CS: variants seen among roughly 807,000 people sequenced by gnomAD.
CS encodes the protein citrate synthase, mitochondrial.
A neutral mutation model predicts 61.4 loss-of-function variants in CS; 13 were observed. The ratio of observed to expected loss-of-function variants is 0.21; its 90% confidence interval spans 0.14 to 0.34. The LOEUF is 0.34. Ranked by LOEUF, CS falls within the 10% of genes least tolerant of loss-of-function variation. The pLI, the probability that CS is intolerant of heterozygous loss-of-function variation, is 1.00. For missense variants in CS, 278 were observed against 573.4 expected (o/e 0.48, Z 5.26); for synonymous variants, 159 against 215.2 (o/e 0.74, Z 2.29).
intron 3 of CS, among the ~76,000 whole-genome samples, chr12:56,284,336 AAG>A (rs1303950419): frequency 8.8e-5 from 13 of 147,168 alleles, no homozygotes; most frequent in South Asian, 2.2e-4. Flanking sequence ...AAAAAAAAAA[AAG>A]AAAAAAAAAA....
chr12:56,296,813 G>T (rs1332769226), intron 1 of CS, among the ~76,000 whole-genome samples: 1 of 152,094 alleles, frequency 6.6e-6, no homozygotes, highest in Non-Finnish European at 1.5e-5. Context: ...ACCCCATAAG[G>T]CTTCCCCTGC....
intron 6 of CS, among the ~76,000 whole-genome samples, chr12:56,280,404 G>A (rs1199023121): frequency 1.2e-4 from 10 of 86,042 alleles, no homozygotes; most frequent in Non-Finnish European, 2.3e-4. Flanking sequence ...GACAGTGCAA[G>A]ACACCGTCTC....
intron 6 of CS, among the ~76,000 whole-genome samples, chr12:56,280,211 C>T (rs1018770302): frequency 5.3e-5 from 8 of 151,788 alleles, no homozygotes; most frequent in Admixed American, 2.0e-4. Flanking sequence ...GTCAGAGGTT[C>T]GAGACCAGCC....
At chr12:56,295,636 T>G (rs1226048392) in intron 1 of CS, among the ~76,000 whole-genome samples, 2 of 151,956 alleles carry the variant, frequency 1.3e-5, no homozygotes, top group Non-Finnish European at 1.5e-5. Flanking sequence ...TTAGAAACTA[T>G]TCCCTTACTT....
chr12:56,293,726 C>T (rs940739150), intron 1 of CS, among the ~76,000 whole-genome samples: 10 of 152,036 alleles, frequency 6.6e-5, no homozygotes, highest in African/African-American at 2.4e-4. Context: ...AATAATAATA[C>T]TAAAAAAAAT....
intron 6 of CS, among the ~76,000 whole-genome samples, chr12:56,276,911 G>T (rs1278649156): frequency 6.6e-6 from 1 of 151,982 alleles, no homozygotes; most frequent in African/African-American, 2.4e-5. Context: ...AAGACAGCAG[G>T]TTTTACAGCC....
At chr12:56,298,001 C>CT (rs1175895106) in intron 1 of CS, among the ~76,000 whole-genome samples, 2 of 151,816 alleles carry the variant, frequency 1.3e-5, no homozygotes, top group Non-Finnish European at 2.9e-5. Flanking sequence ...CCCCCCCGCC[C>CT]TTTTTTTTCT....
intron 1 of CS, among the ~76,000 whole-genome samples, chr12:56,287,086 C>T (rs1012596043): frequency 1.3e-5 from 2 of 152,098 alleles, no homozygotes; most frequent in African/African-American, 4.8e-5. Context: ...TACTTCTGAC[C>T]CTCCTGGAAA....
At position 56,273,583 on chromosome 12, in the gene CS, T is replaced by C; in HGVS notation, c.1230+4A>G. The C allele has an allele frequency of 6.2e-7, 1 of 1,613,764 alleles. No homozygotes were observed. The highest frequency in any genetic ancestry group is 8.5e-7 in the Non-Finnish European group (1 of 1,179,712). On this transcript the variant is annotated splice_donor_region_variant and intron_variant, in intron 10 of 10. Coordinates refer to ENST00000351328, the MANE Select transcript of CS (RefSeq NM_004077.3). The stretch of plus-strand genomic sequence containing the variant: ...AGAGGGAAAAGAGGGAAAGGAGGAC[T>C]TACCTGGAGCAGCACCCCACTGTGA...
chr12:56,275,842 ACC>A, intron 7 of CS, 152 bp downstream of exon 7: 2 of 660,220 alleles, frequency 3.0e-6, no homozygotes, highest in Non-Finnish European at 5.3e-6. Flanking sequence ...TGCTTACTAG[ACC>A]CCTTTCTTGC....
intron 1 of CS, among the ~76,000 whole-genome samples, chr12:56,295,293 CG>C (rs1873261783): frequency 6.6e-6 from 1 of 151,564 alleles, no homozygotes; most frequent in Non-Finnish European, 1.5e-5. Context: ...GAGGCTGAGG[CG>C]GGTGGATCAC....
chr12:56,276,248 G>A (rs1262887871), intron 6 of CS, 53 bp from the exon 7 acceptor site: 20 of 1,556,332 alleles, frequency 1.3e-5, no homozygotes, highest in Non-Finnish European at 1.7e-5. Flanking sequence ...CAGCAAAGAA[G>A]AATTAGGCAG....
At chr12:56,290,287 T>C (rs1172644239) in intron 1 of CS, among the ~76,000 whole-genome samples, 2 of 149,084 alleles carry the variant, frequency 1.3e-5, no homozygotes, top group Non-Finnish European at 3.0e-5. Context: ...TCTTAGCTCA[T>C]TGCAACCTCC....
rs758173274 is a variant in CS, at chr12:56,286,599, G to A, written c.89C>T (p.Ser30Phe). 1.2e-5 allele frequency: 19 copies of A among 1,613,914 alleles called. No homozygotes were observed. The Admixed American group carries it at 2.8e-4, about 24-fold the overall frequency. Residue 30 changes from serine to phenylalanine, a missense_variant, in exon 2 of 11, where the codon TCC (serine) becomes TTC (phenylalanine). Transcript: ENST00000351328. ...VLAARHASASSTNLKDILADL... is the reference protein window; with the variant it reads ...VLAARHASASFTNLKDILADL... ...GTCTTCTTTTCCAAACCTTACCGTG[G>A]AGGAAGCACTGGCATGCCGGGCTGC...
Position 56,276,039 on chromosome 12 carries a change from G to T in CS, c.745C>A (p.His249Asn), listed in dbSNP as rs1385957071. 5 of 1,614,156 alleles carry T rather than the reference G, an allele frequency of 3.1e-6. No homozygotes were observed. The highest frequency in any genetic ancestry group is 3.3e-5 in the Admixed American group (2 of 60,008). Reference protein sequence around the residue: ...NFTNMLGYTDHQFTELTRLYL... With the variant: ...NFTNMLGYTDNQFTELTRLYL... ...AGGCGCGTGAGCTCAGTGAACTGATGATCAGTATAGCCTAACATGTTGGTG... is the reference window on the plus strand; with the variant it reads ...AGGCGCGTGAGCTCAGTGAACTGATTATCAGTATAGCCTAACATGTTGGTG... The change falls in exon 7 of 11, where the codon CAT (histidine) becomes AAT (asparagine). Residue 249 changes from histidine (H) to asparagine (N), a missense_variant. This residue lies in a region of CS where 223 missense variants were observed against 503.5 expected (regional missense o/e 0.44). Coordinates refer to ENST00000351328, the MANE Select transcript of CS (RefSeq NM_004077.3).
chr12:56,279,595 A>C (rs1305181802), intron 6 of CS, among the ~76,000 whole-genome samples: 1 of 151,622 alleles, frequency 6.6e-6, no homozygotes, highest in African/African-American at 2.4e-5. Flanking sequence ...TGAAACCCCG[A>C]CTCTACTAAA....
intron 6 of CS, among the ~76,000 whole-genome samples, chr12:56,280,737 T>C (rs1054201474): frequency 6.6e-6 from 1 of 151,940 alleles, no homozygotes; most frequent in Non-Finnish European, 1.5e-5. Context: ...ATAAATAAAA[T>C]GAAAAACAAA....
chr12:56,287,479 C>CAAAAAAAAAAAAAA (rs61199207), intron 1 of CS, among the ~76,000 whole-genome samples: 1 of 44,714 alleles, frequency 2.2e-5, no homozygotes. Context: ...AAGACTCTGT[C>CAAAAAAAAAAAAAA]AAAAAAAAAA....
chr12:56,300,115 T>C (rs530906330), intron 1 of CS, 45 bp downstream of exon 1: 2 of 1,543,300 alleles, frequency 1.3e-6, no homozygotes, highest in African/African-American at 2.8e-5. Flanking sequence ...TGCGGTCGCC[T>C]CAGCCCCACC....
Sources: allele counts gnomAD v4.1 joint callset (sites outside exome capture counted in the v4.1 genomes callset), GRCh38; gene constraint gnomAD v4.1.1; regional missense constraint gnomAD v4.1.1; transcripts MANE v1.5; gene names NCBI Gene and HGNC (gene_info 2026-07-23, HGNC 2026-07-21).